RASSF3: variants seen among roughly 807,000 people sequenced by gnomAD.
RASSF3 encodes Ras association domain family member 3.
A neutral mutation model predicts 19.9 loss-of-function variants in RASSF3; 19 were observed. That is an observed-to-expected ratio of 0.96 (90% CI 0.67 to 1.40). RASSF3 has a LOEUF of 1.40. Among genes scored for constraint, RASSF3 ranks in the 40% most tolerant of loss-of-function variants. The pLI is 0.00. For missense variants in RASSF3, 306 were observed against 289.8 expected, an observed-to-expected ratio of 1.06 and a Z score of -0.41; for synonymous variants, 110 against 104.2, an observed-to-expected ratio of 1.06 and a Z score of -0.34.
upstream of RASSF3, among the ~76,000 whole-genome samples, chr12:64,530,471 G>A (rs1247469381): frequency 6.6e-6 from 1 of 151,970 alleles, no homozygotes; most frequent in Admixed American, 6.6e-5. Context: ...CTATTTTCCT[G>A]TTGATGGACA....
chr12:64,647,702 C>T (rs1039114140), intron 1 of RASSF3, among the ~76,000 whole-genome samples: 2 of 151,750 alleles, frequency 1.3e-5, no homozygotes, highest in African/African-American at 2.4e-5. Context: ...TGAACCACCG[C>T]GCCCGGCCCC....
At chr12:64,664,761 A>G (rs1245179) in intron 1 of RASSF3, among the ~76,000 whole-genome samples, 43,235 of 152,078 alleles carry the variant, frequency 0.28, 6,661 homozygotes, top group Non-Finnish European at 0.36. Flanking sequence ...AAATCACAAA[A>G]TTACTCAATA....
chr12:64,589,392 G>A lies in RASSF3; in HGVS notation c.294+47687G>A, dbSNP rs1313108872. 2.6e-5 allele frequency among the ~76,000 whole-genome samples: 4 copies of A among 152,196 alleles called. No homozygotes were observed. The East Asian group carries it at 5.8e-4, about 22-fold the overall frequency. ...TTGAAATTCAGAGGCGGAGGCTGCA[G>A]TGAGCCAAGATTGTGCCACTGCACT... On this transcript the variant is annotated intron_variant, in intron 2 of 5. Transcript: ENST00000637125.
At chr12:64,580,022 C>G (rs1364637851) in intron 2 of RASSF3, among the ~76,000 whole-genome samples, 1 of 151,876 alleles carries the variant, frequency 6.6e-6, no homozygotes, top group African/African-American at 2.4e-5. Context: ...ACCACGTTGG[C>G]CAGGCTGGTC....
At chr12:64,616,643 A>C (rs569665211) in intron 1 of RASSF3, among the ~76,000 whole-genome samples, 7 of 152,242 alleles carry the variant, frequency 4.6e-5, no homozygotes, top group Non-Finnish European at 1.0e-4. Flanking sequence ...ATGCATGCAA[A>C]GGAGCTTCTC....
chr12:64,641,088 G>A (rs1048188098), intron 1 of RASSF3, among the ~76,000 whole-genome samples: 3 of 152,058 alleles, frequency 2.0e-5, no homozygotes, highest in African/African-American at 7.2e-5. Flanking sequence ...TCGTTTCCAT[G>A]TGACTTAGAG....
At chr12:64,639,983 T>C (rs1313117392) in intron 1 of RASSF3, among the ~76,000 whole-genome samples, 1 of 152,220 alleles carries the variant, frequency 6.6e-6, no homozygotes, top group African/African-American at 2.4e-5. Flanking sequence ...AAATTAAAGG[T>C]AAACTGCATT....
At chr12:64,651,224 C>A (rs1248775779) in intron 1 of RASSF3, among the ~76,000 whole-genome samples, 1 of 152,090 alleles carries the variant, frequency 6.6e-6, no homozygotes, top group Non-Finnish European at 1.5e-5. Context: ...AACTAAATGT[C>A]AGGAAATTTT....
chr12:64,538,658 AAC>A (rs1555208028), intron 1 of RASSF3, among the ~76,000 whole-genome samples: 136 of 152,250 alleles, frequency 8.9e-4, no homozygotes, highest in Non-Finnish European at 7.4e-5. Flanking sequence ...CACAAAAAAA[AAC>A]ACAAATAAAA....
intron 1 of RASSF3, among the ~76,000 whole-genome samples, chr12:64,507,964 C>A (rs970047630): frequency 6.6e-6 from 1 of 152,068 alleles, no homozygotes; most frequent in African/African-American, 2.4e-5. Flanking sequence ...ATCTGAAGTT[C>A]CTGCAGGAGC....
At position 64,620,631 on chromosome 12, in the gene RASSF3, C is replaced by T. The variant is rs138213419; in HGVS notation, c.111+9888C>T. On this transcript the variant is annotated intron_variant, in intron 1 of 4. Transcript: ENST00000542104. Reference sequence around the variant, plus strand: ...GTATTTTATTGAATTGGCGTTATTCCCAAATATTGGAAAATGTGGAGGTTT... The same window carrying T: ...GTATTTTATTGAATTGGCGTTATTCTCAAATATTGGAAAATGTGGAGGTTT... Among the ~76,000 whole-genome samples the T allele has an allele frequency of 2.0e-5, 3 of 152,058 alleles. No individual in the cohort carries two copies. In the East Asian group the frequency reaches 5.8e-4, roughly 29 times the overall value.
chr12:64,688,594 T>C (rs1565872339), intron 3 of RASSF3, 141 bp downstream of exon 3: 2 of 712,560 alleles, frequency 2.8e-6, no homozygotes, highest in Non-Finnish European at 5.0e-6. Context: ...CATGGTGATC[T>C]TAGCATGCAC....
intron 2 of RASSF3, among the ~76,000 whole-genome samples, chr12:64,561,724 T>C (rs1016365637): frequency 1.3e-5 from 2 of 149,064 alleles, no homozygotes; most frequent in African/African-American, 4.9e-5. Flanking sequence ...TCTTTTTTTT[T>C]TTTTTTTTGA....
At chr12:64,530,357 G>A (rs1367068523), upstream of RASSF3, among the ~76,000 whole-genome samples, 1 of 149,988 alleles carries the variant, frequency 6.7e-6, no homozygotes, top group Middle Eastern at 3.2e-3. Flanking sequence ...TGCCTAGGCT[G>A]GTCTTGAACT....
chr12:64,591,471 C>T (rs1869921598), intron 2 of RASSF3, among the ~76,000 whole-genome samples: 2 of 111,064 alleles, frequency 1.8e-5, no homozygotes, highest in South Asian at 5.3e-4. Flanking sequence ...CATGAGACTC[C>T]ATCTAAAAAA....
upstream of RASSF3, among the ~76,000 whole-genome samples, chr12:64,606,921 C>G (rs1165340273): frequency 6.6e-6 from 1 of 152,156 alleles, no homozygotes; most frequent in Non-Finnish European, 1.5e-5. Flanking sequence ...CTTAACATGA[C>G]ATTTTGAATT....
At chr12:64,575,085 G>A (rs1869574266) in intron 2 of RASSF3, among the ~76,000 whole-genome samples, 2 of 152,046 alleles carry the variant, frequency 1.3e-5, no homozygotes, top group South Asian at 4.1e-4. Flanking sequence ...AGAAATAACA[G>A]AAATAAGGAT....
chr12:64,649,223 C>T (rs1000922778), intron 1 of RASSF3, among the ~76,000 whole-genome samples: 11 of 150,760 alleles, frequency 7.3e-5, no homozygotes, highest in Admixed American at 3.3e-4. Flanking sequence ...GATGGAGTCT[C>T]GCTCTGTCGC....
downstream of RASSF3, among the ~76,000 whole-genome samples, chr12:64,545,540 A>T (rs548926141): frequency 1.3e-5 from 2 of 152,352 alleles, no homozygotes; most frequent in Non-Finnish European, 2.9e-5. Context: ...ATTTGATTTG[A>T]TAGACGGGTT....
Sources: gnomAD v4.1 joint callset for allele counts (sites outside exome capture counted in the v4.1 genomes callset) on GRCh38, gnomAD v4.1.1 for gene constraint, MANE v1.5 for transcripts, NCBI Gene and HGNC (gene_info 2026-07-23, HGNC 2026-07-21) for gene names.